The following DMD variants were observed in gnomAD, a reference collection of about 807,000 sequenced individuals.
The protein encoded by DMD is dystrophin.
A neutral mutation model predicts 330.1 loss-of-function variants in DMD; 63 were observed. The ratio of observed to expected loss-of-function variants is 0.19; its 90% confidence interval spans 0.16 to 0.24. DMD has a LOEUF of 0.24. Among genes scored for constraint, DMD ranks in the 10% least tolerant of loss-of-function variants. The pLI is 1.00. For synonymous variants in DMD, 1,223 were observed against 959.8 expected, an observed-to-expected ratio of 1.27 and a Z score of -5.07; for missense variants, 3,344 against 2,684.1, an observed-to-expected ratio of 1.25 and a Z score of -5.43.
At chrX:31,570,319 G>C (rs1322918472) in intron 55 of DMD, among the ~76,000 whole-genome samples, 1 of 111,406 alleles carries the variant, frequency 9.0e-6, no homozygotes, top group Non-Finnish European at 1.9e-5. Flanking sequence ...CAGGAGACAT[G>C]ATATCAATAT....
At chrX:31,674,627 A>G (rs1016029584) in intron 53 of DMD, among the ~76,000 whole-genome samples, 3 of 112,247 alleles carry the variant, frequency 2.7e-5, no homozygotes, top group African/African-American at 9.7e-5. Context: ...AAAAGCAATC[A>G]CAAAGCCGAC....
At chrX:32,460,104 C>A (rs2098377998) in intron 25 of DMD, among the ~76,000 whole-genome samples, 1 of 105,811 alleles carries the variant, frequency 9.5e-6, no homozygotes, top group African/African-American at 3.7e-5. Flanking sequence ...AAAAAATGGC[C>A]AATTAATATA....
chrX:31,440,251 G>A (rs551061657), intron 60 of DMD, among the ~76,000 whole-genome samples: 5 of 108,703 alleles, frequency 4.6e-5, no homozygotes, highest in Admixed American at 9.9e-5. Flanking sequence ...GGGTTCAAGC[G>A]ATTCTCCTGC....
At chrX:32,720,982 G>A (rs1288277378) in intron 7 of DMD, among the ~76,000 whole-genome samples, 1 of 110,563 alleles carries the variant, frequency 9.0e-6, no homozygotes, top group Non-Finnish European at 1.9e-5. Context: ...TTTTTTCTGT[G>A]TCTTGCTTAT....
At chrX:32,769,961 CCTTA>C (rs371986760) in intron 7 of DMD, among the ~76,000 whole-genome samples, 69 of 111,597 alleles carry the variant, frequency 6.2e-4, no homozygotes, top group African/African-American at 2.2e-3. Flanking sequence ...ACCAATAAAC[CCTTA>C]CTTAGTACAG....
intron 6 of DMD, among the ~76,000 whole-genome samples, chrX:32,810,809 C>T (rs2077314876): frequency 9.0e-6 from 1 of 111,615 alleles, no homozygotes; most frequent in South Asian, 3.8e-4. Context: ...GTACAAATTA[C>T]GTATTTCATG....
At chrX:32,693,096 T>G (rs1017205840) in intron 9 of DMD, among the ~76,000 whole-genome samples, 1 of 111,248 alleles carries the variant, frequency 9.0e-6, no homozygotes, top group African/African-American at 3.3e-5. Context: ...AAGAGTGATG[T>G]CATATGAGAA....
chrX:32,239,754 T>G (rs766345552), intron 43 of DMD, among the ~76,000 whole-genome samples: 78 of 111,690 alleles, frequency 7.0e-4, no homozygotes, highest in African/African-American at 2.3e-3. Context: ...AAAATTACAC[T>G]GGTAACCCAT....
intron 7 of DMD, among the ~76,000 whole-genome samples, chrX:32,797,141 G>A (rs137952093): frequency 0.017 from 1,877 of 110,809 alleles, 46 homozygotes; most frequent in African/African-American, 0.057. Flanking sequence ...TGGGATGGGG[G>A]GACAGGGCCT....
At chrX:31,449,775 T>TAGATAGATAGATAG (rs1344591973) in intron 59 of DMD, among the ~76,000 whole-genome samples, 2 of 88,044 alleles carry the variant, frequency 2.3e-5, no homozygotes, top group African/African-American at 8.8e-5. Context: ...TATATATATA[T>TAGATAGATAGATAG]ATATATATAT....
chrX:32,233,361 T>C (rs2097175266), intron 43 of DMD, among the ~76,000 whole-genome samples: 1 of 110,791 alleles, frequency 9.0e-6, no homozygotes, highest in South Asian at 3.8e-4. Flanking sequence ...TTTCAACCAG[T>C]GGCATGGAAG....
intron 25 of DMD, among the ~76,000 whole-genome samples, chrX:32,457,554 C>T (rs921787094): frequency 9.0e-6 from 1 of 110,576 alleles, no homozygotes; most frequent in Non-Finnish European, 1.9e-5. Flanking sequence ...GATCCAGGTA[C>T]GTAAGTGGAA....
In DMD at chrX:33,098,820, T is replaced by C. The variant is rs188366743; in HGVS notation, c.32-78620A>G. Among the ~76,000 whole-genome samples, 349 of 111,683 alleles carry C rather than the reference T, an allele frequency of 3.1e-3. 1 individual carries two copies. The highest frequency in any genetic ancestry group is 0.011 in the African/African-American group (328 of 30,732). On this transcript the variant is annotated intron_variant, in intron 1 of 78. Transcript: ENST00000357033. Reference sequence around the variant, plus strand: ...ACTCTACTGCTGTGTCCGGTTTCCATTGGCTGGAACAGGACCACACATTCT... The same window carrying C: ...ACTCTACTGCTGTGTCCGGTTTCCACTGGCTGGAACAGGACCACACATTCT...
intron 51 of DMD, among the ~76,000 whole-genome samples, chrX:31,769,429 G>A (rs2090199572): frequency 8.9e-6 from 1 of 111,870 alleles, no homozygotes; most frequent in Non-Finnish European, 1.9e-5. Flanking sequence ...TATATTTCAG[G>A]TATTGGTATA....
At chrX:32,777,746 G>T (rs780613520) in intron 7 of DMD, among the ~76,000 whole-genome samples, 2 of 112,374 alleles carry the variant, frequency 1.8e-5, no homozygotes, top group Admixed American at 1.9e-4. Context: ...ATAAGCATTT[G>T]AAACAGCCCA....
At chrX:31,648,198 T>C (rs5927027) in intron 54 of DMD, among the ~76,000 whole-genome samples, 41,807 of 110,158 alleles carry the variant, frequency 0.38, 6,316 homozygotes, top group African/African-American at 0.54. Context: ...ATAGAAGGAA[T>C]TGCTAAGAAT....
chrX:31,512,098 T>G (rs1450634199), intron 55 of DMD, among the ~76,000 whole-genome samples: 108 of 110,409 alleles, frequency 9.8e-4, no homozygotes, highest in African/African-American at 3.4e-3. Context: ...TGGTGAGCAT[T>G]TTTTCATGTG....
At position 32,348,454 on chromosome X, in the gene DMD, T is replaced by G. The variant is rs757290084; in HGVS notation, c.5400A>C (p.Glu1800Asp). 31 of 1,205,953 alleles carry G rather than the reference T, an allele frequency of 2.6e-5. No individual in the cohort carries two copies. The highest frequency in any genetic ancestry group is 3.0e-5 in the Non-Finnish European group (27 of 892,131). The change falls in exon 38 of 79, where the codon GAA becomes GAC. Residue 1800 changes from glutamate (E) to aspartate (D), a missense_variant. Coordinates refer to ENST00000357033, the MANE Select transcript of DMD (RefSeq NM_004006.3). Reference sequence around the variant, plus strand: ...CTTTCAGATTCACCCCCTGCTGAATTTCAGCCTCCAGTGGTTCAAGCAATT... The same window carrying G: ...CTTTCAGATTCACCCCCTGCTGAATGTCAGCCTCCAGTGGTTCAAGCAATT... The part of the protein sequence containing the change: ...IQKLLEPLEA[E>D]IQQGVNLKEE...
intron 7 of DMD, among the ~76,000 whole-genome samples, chrX:32,723,767 C>A (rs954822641): frequency 1.8e-5 from 2 of 109,965 alleles, no homozygotes; most frequent in African/African-American, 6.6e-5. Context: ...CATCTTGTAC[C>A]CCTTAAATCA....
Sources: allele counts gnomAD v4.1 joint callset (sites outside exome capture counted in the v4.1 genomes callset), GRCh38; gene constraint gnomAD v4.1.1; transcripts MANE v1.5; gene names NCBI Gene and HGNC (gene_info 2026-07-23, HGNC 2026-07-21).